The following WWOX variants were observed in gnomAD, a reference collection of about 807,000 sequenced individuals.
WWOX encodes the protein WW domain-containing oxidoreductase.
Under a neutral mutation model 46.2 loss-of-function variants are expected in WWOX, and 69 were observed. The ratio of observed to expected loss-of-function variants is 1.49; its 90% CI spans 1.23 to 1.82. The LOEUF (loss-of-function observed/expected upper bound fraction) is 1.82. Among genes scored for constraint, WWOX ranks in the 40% most tolerant of loss-of-function variants. The pLI, the probability that WWOX is intolerant of heterozygous loss-of-function variation, is 0.00. For missense variants in WWOX, 919 were observed against 542.6 expected (o/e 1.69, Z -6.89); for synonymous variants, 359 against 202.6 (o/e 1.77, Z -6.56).
At chr16:78,701,070 G>C (rs570025341) in intron 8 of WWOX, among the ~76,000 whole-genome samples, 1 of 152,098 alleles carries the variant, frequency 6.6e-6, no homozygotes, top group Non-Finnish European at 1.5e-5. Flanking sequence ...CAACCTCTCT[G>C]TGCTTAATCT....
chr16:78,567,766 T>G (rs889607215), intron 8 of WWOX, among the ~76,000 whole-genome samples: 11 of 151,810 alleles, frequency 7.2e-5, no homozygotes, highest in African/African-American at 2.2e-4. Flanking sequence ...GGACAAAGTT[T>G]TTCTCCCGCA....
rs551041510 is a variant in WWOX at position 78,423,323 on chromosome 16, T to G, written c.606-1547T>G. ...GTTTTATAAGGTCGGTAGATTTGTT[T>G]ATGATTTTAATGGCTGCATAGTATT... On this transcript the variant is annotated intron_variant, in intron 6 of 8. Transcript: ENST00000566780. 1.3e-5 allele frequency among the ~76,000 whole-genome samples: 2 copies of G among 150,928 alleles called. 1 individual carries two copies. Among genetic ancestry groups the G allele is most frequent in the East Asian group, 4.8e-4 (2 of 4,182 alleles).
At chr16:78,708,698 C>T (rs2048376014) in intron 8 of WWOX, among the ~76,000 whole-genome samples, 1 of 152,110 alleles carries the variant, frequency 6.6e-6, no homozygotes, top group Non-Finnish European at 1.5e-5. Context: ...GCTTTGCCTC[C>T]AAGTGCGTTT....
intron 8 of WWOX, among the ~76,000 whole-genome samples, chr16:78,624,697 T>C (rs1412713347): frequency 1.3e-5 from 2 of 152,194 alleles, no homozygotes; most frequent in African/African-American, 4.8e-5. Flanking sequence ...TTTCTCAAAG[T>C]TGCCTTTCAT....
intron 8 of WWOX, among the ~76,000 whole-genome samples, chr16:78,995,569 AAAAAAG>A (rs915227568): frequency 1.6e-4 from 25 of 152,270 alleles, no homozygotes; most frequent in Admixed American, 3.3e-4. Context: ...CTTTATAAAA[AAAAAAG>A]AAAAAGAAAA....
At chr16:78,790,492 G>C (rs991145524) in intron 8 of WWOX, among the ~76,000 whole-genome samples, 3 of 152,148 alleles carry the variant, frequency 2.0e-5, no homozygotes, top group African/African-American at 7.2e-5. Context: ...AGAAAAGTCA[G>C]AAGGTCTACC....
intron 5 of WWOX, among the ~76,000 whole-genome samples, chr16:78,307,965 A>T (rs970362098): frequency 1.3e-5 from 2 of 152,168 alleles, no homozygotes. Context: ...GCTCAGATCC[A>T]TGTGTGACAC....
At chr16:78,908,905 A>G (rs767320869) in intron 8 of WWOX, among the ~76,000 whole-genome samples, 5 of 152,322 alleles carry the variant, frequency 3.3e-5, no homozygotes, top group Non-Finnish European at 5.9e-5. Flanking sequence ...GGAGGTTCAG[A>G]ATCTTGCAGC....
intron 3 of WWOX, 130 bp downstream of exon 3, chr16:78,109,965 A>G: frequency 1.0e-6 from 1 of 984,442 alleles, no homozygotes; most frequent in Non-Finnish European, 1.6e-6. Context: ...TCTTAGCAGA[A>G]GTGACTACTT....
chr16:78,148,841 T>C (rs2034298566), intron 4 of WWOX, among the ~76,000 whole-genome samples: 1 of 125,536 alleles, frequency 8.0e-6, no homozygotes. Flanking sequence ...GAGCTTGCAG[T>C]GAGCCGAGAT....
At chr16:78,752,440 A>G (rs758847740) in intron 8 of WWOX, among the ~76,000 whole-genome samples, 3 of 152,018 alleles carry the variant, frequency 2.0e-5, no homozygotes, top group Admixed American at 6.5e-5. Context: ...GGCACACACC[A>G]CCACACCTGG....
At position 78,497,282 on chromosome 16, in the gene WWOX, T is replaced by C. The variant is rs57917122; in HGVS notation, c.1056+64530T>C. On this transcript the variant is annotated intron_variant, in intron 8 of 8. Coordinates refer to ENST00000566780, the MANE Select transcript of WWOX (RefSeq NM_016373.4). ...TCCTCCAATTTTATTCAGAATTTGT[T>C]CTTTTCTTACCTCACACCATATAGA... is the stretch of plus-strand genomic sequence containing the variant. 8.0e-3 allele frequency among the ~76,000 whole-genome samples: 1,226 copies of C among 152,346 alleles called. 11 individuals carry two copies. The highest frequency in any genetic ancestry group is 0.028 in the African/African-American group (1,175 of 41,576).
chr16:79,181,080 C>T (rs557589735), intron 8 of WWOX, among the ~76,000 whole-genome samples: 10 of 152,108 alleles, frequency 6.6e-5, no homozygotes, highest in Admixed American at 2.6e-4. Flanking sequence ...AGAAAACGCT[C>T]GTAATTTATG....
intron 8 of WWOX, among the ~76,000 whole-genome samples, chr16:78,728,873 G>T (rs992785718): frequency 6.6e-6 from 1 of 152,120 alleles, no homozygotes; most frequent in South Asian, 2.1e-4. Flanking sequence ...GTTACATGGA[G>T]GTCACAAGAA....
At chr16:78,318,745 C>CTAT (rs1042378190) in intron 5 of WWOX, among the ~76,000 whole-genome samples, 4 of 152,082 alleles carry the variant, frequency 2.6e-5, no homozygotes, top group African/African-American at 4.8e-5. Flanking sequence ...TATTTTAACA[C>CTAT]TATTCTGATA....
chr16:78,473,827 AGCTGTT>A (rs762142980), intron 8 of WWOX, among the ~76,000 whole-genome samples: 151 of 152,156 alleles, frequency 9.9e-4, no homozygotes, highest in Non-Finnish European at 1.8e-3. Flanking sequence ...AAGATGATCC[AGCTGTT>A]GCATGGTGTA....
At chr16:78,454,985 G>A (rs1382640467) in intron 8 of WWOX, among the ~76,000 whole-genome samples, 1 of 152,208 alleles carries the variant, frequency 6.6e-6, no homozygotes, top group Non-Finnish European at 1.5e-5. Context: ...CACATGTCAG[G>A]TACTGACTTA....
intron 8 of WWOX, among the ~76,000 whole-genome samples, chr16:78,740,320 G>T (rs1051272619): frequency 6.6e-6 from 1 of 152,160 alleles, no homozygotes; most frequent in African/African-American, 2.4e-5. Flanking sequence ...CCCGTCGGGG[G>T]GCTCCTGAGA....
chr16:78,744,221 A>T (rs2049294969), intron 8 of WWOX, among the ~76,000 whole-genome samples: 1 of 152,130 alleles, frequency 6.6e-6, no homozygotes, highest in East Asian at 1.9e-4. Context: ...AGTTTGTGAA[A>T]AGACAGGGCT....
Sources: gnomAD v4.1 joint callset for allele counts (sites outside exome capture counted in the v4.1 genomes callset) on GRCh38, gnomAD v4.1.1 for gene constraint, MANE v1.5 for transcripts, NCBI Gene and HGNC (gene_info 2026-07-23, HGNC 2026-07-21) for gene names.